Variants in RAPGEF1 observed in about 807,000 individuals in gnomAD.
The protein encoded by RAPGEF1 is CRK SH3-binding GNRP.
In RAPGEF1, 33 loss-of-function variants were observed where a neutral mutation model predicts 143.3. The ratio of observed to expected loss-of-function variants is 0.23; its 90% CI spans 0.17 to 0.31. The LOEUF (loss-of-function observed/expected upper bound fraction) is 0.31. Among genes scored for constraint, RAPGEF1 ranks in the 10% least tolerant of loss-of-function variants. The pLI, the probability that RAPGEF1 is intolerant of heterozygous loss-of-function variation, is 1.00. For synonymous variants in RAPGEF1, 629 were observed against 676.5 expected (o/e 0.93, Z 1.09); for missense variants, 1,199 against 1,645.4 (o/e 0.73, Z 4.69).
At chr9:131,630,946 GT>G (rs60449367) in intron 5 of RAPGEF1, among the ~76,000 whole-genome samples, 9,267 of 147,558 alleles carry the variant, frequency 0.063, 656 homozygotes, top group African/African-American at 0.16. Flanking sequence ...GTGCCCATGT[GT>G]TTTTTTTTTT....
At position 131,621,761 on chromosome 9, in the gene RAPGEF1, C is replaced by T. The variant is rs1046007370; in HGVS notation, c.1905+35G>A. On this transcript the variant is annotated intron_variant, in intron 11 of 26. Transcript: ENST00000683357. This position sits in a 1 kb window ranked among gnomAD's most constrained non-coding sequence, Gnocchi z 4.5. ...CTGGTTCCTAGAGACCTGCTAGGATCGGAAGTTCTAGTCACAAGGGAAGGT... is the reference window on the plus strand; with the variant it reads ...CTGGTTCCTAGAGACCTGCTAGGATTGGAAGTTCTAGTCACAAGGGAAGGT... The T allele has an allele frequency of 1.1e-5, 17 of 1,561,624 alleles. No homozygotes were observed. The highest frequency in any genetic ancestry group is 7.0e-5 in the East Asian group (3 of 42,632).
chr9:131,674,549 T>A (rs538799466), intron 1 of RAPGEF1, among the ~76,000 whole-genome samples: 2 of 152,248 alleles, frequency 1.3e-5, no homozygotes, highest in Admixed American at 1.3e-4. Flanking sequence ...TCTCCACACT[T>A]GGCTCAGGAG....
intron 1 of RAPGEF1, among the ~76,000 whole-genome samples, chr9:131,685,394 C>G (rs570700628): frequency 1.3e-5 from 2 of 152,298 alleles, no homozygotes; most frequent in Admixed American, 1.3e-4. Flanking sequence ...TCATGATGGC[C>G]ATAATGCCCA....
rs369826529 is a variant in RAPGEF1, at chr9:131,598,280, C to A, written c.2532G>T (p.Ser844=). The A allele has an allele frequency of 1.2e-6, 2 of 1,613,874 alleles. No individual in the cohort carries two copies. The highest frequency in any genetic ancestry group is 1.3e-5 in the African/African-American group (1 of 74,944). ...CGTCCACTTCCTCCTCCGACTGAGC[C>A]GACTCCAGAGCATCTGGTGACTTTG... The part of the protein sequence containing the change: ...RAPKSPDALE[S]AQSEEEVDEL... The change falls in exon 16 of 27, where the codon TCG becomes TCT. Residue 844 remains serine (S), a synonymous_variant. Transcript: ENST00000683357.
intron 1 of RAPGEF1, among the ~76,000 whole-genome samples, chr9:131,694,879 T>C (rs1589031188): frequency 6.6e-6 from 1 of 151,292 alleles, no homozygotes; most frequent in African/African-American, 2.4e-5. Context: ...ACATGTGCCA[T>C]GTTGGTGTGC....
In RAPGEF1 at chr9:131,655,649, G is replaced by A. The variant is rs952853159; in HGVS notation, c.62-4700C>T. Among the ~76,000 whole-genome samples the A allele has an allele frequency of 6.6e-6, 1 of 152,080 alleles. No homozygotes were observed. The highest frequency in any genetic ancestry group is 2.4e-5 in the African/African-American group (1 of 41,416). ...TACATGCCTATAGTCCCAGCTACTC[G>A]GGAGGCTGAGGCAGGAGAATGGCGT... is the stretch of plus-strand genomic sequence containing the variant. On this transcript the variant is annotated intron_variant, in intron 1 of 26. Coordinates refer to ENST00000683357, the MANE Select transcript of RAPGEF1 (RefSeq NM_001377935.1). The surrounding 1 kb of genome is among the most constrained non-coding windows in gnomAD (Gnocchi z 4.1).
intron 12 of RAPGEF1, among the ~76,000 whole-genome samples, chr9:131,607,015 G>A (rs1476416356): frequency 6.6e-6 from 1 of 152,164 alleles, no homozygotes; most frequent in African/African-American, 2.4e-5. Flanking sequence ...CCACCTGTGT[G>A]TACAGCCGTG....
intron 1 of RAPGEF1, among the ~76,000 whole-genome samples, chr9:131,669,796 C>G (rs6597519): frequency 0.86 from 131,672 of 152,266 alleles, 57,133 homozygotes; most frequent in African/African-American, 0.93. Context: ...CAGAAGTCCT[C>G]CTGGTTTAAG....
At chr9:131,624,853 G>A (rs1226867548) in intron 10 of RAPGEF1, among the ~76,000 whole-genome samples, 1 of 152,230 alleles carries the variant, frequency 6.6e-6, no homozygotes, top group Non-Finnish European at 1.5e-5. Context: ...CTAGCTGGGG[G>A]ACCACACTGC....
At position 131,584,701 on chromosome 9, in the gene RAPGEF1, C is replaced by A. The variant is rs986421681; in HGVS notation, c.3234-105G>T. On this transcript the variant is annotated intron_variant, in intron 22 of 26. Coordinates refer to ENST00000683357, the MANE Select transcript of RAPGEF1 (RefSeq NM_001377935.1). The surrounding 1 kb of genome is among the most constrained non-coding windows in gnomAD (Gnocchi z 6.8). ...TGTACGACCCCCATGCCAGTGGCCA[C>A]GAGCCCACCCCTACTGAATACCTGC... 6 of 1,062,548 alleles carry A rather than the reference C, an allele frequency of 5.6e-6. No homozygotes were observed. Among genetic ancestry groups the A allele is most frequent in the Non-Finnish European group, 8.6e-6 (6 of 697,042 alleles). The allele number at this position is 1,062,548 out of a possible 1,614,324, so 65.8% of individuals were successfully genotyped here.
Position 131,583,717 on chromosome 9 carries a change from C to T in RAPGEF1, c.3414+594G>A, listed in dbSNP as rs1019899108. Reference sequence around the variant, plus strand: ...GCTCTCATGACCTAGAACTGGTCCCCTTCTCCCGGGATGTGGTCCCCTGGC... The same window carrying T: ...GCTCTCATGACCTAGAACTGGTCCCTTTCTCCCGGGATGTGGTCCCCTGGC... On this transcript the variant is annotated intron_variant, in intron 24 of 26. Transcript: ENST00000683357. The surrounding 1 kb of genome is among the most constrained non-coding windows in gnomAD (Gnocchi z 4.7). 1.3e-5 allele frequency among the ~76,000 whole-genome samples: 2 copies of T among 152,230 alleles called. No homozygotes were observed. Among genetic ancestry groups the T allele is most frequent in the Non-Finnish European group, 2.9e-5 (2 of 68,040 alleles).
In RAPGEF1 at chr9:131,643,374, G is replaced by A; in HGVS notation, c.359C>T (p.Ala120Val). 1 of 1,613,792 alleles carries A rather than the reference G, an allele frequency of 6.2e-7. No homozygotes were observed. Among genetic ancestry groups the A allele is most frequent in the African/African-American group, 1.3e-5 (1 of 75,020 alleles). ...LEEKEKEVVS[A>V]LRYFKTIVDK... ...CACAATGGTCTTAAAGTAGCGCAGG[G>A]CACTGACAACTTCCTTCTCTTTCTC... The change falls in exon 4 of 27, where the codon GCC (alanine) becomes GTC (valine). Residue 120 changes from alanine (A) to valine (V), a missense_variant. Around this residue, in one of 6 missense-constraint regions of RAPGEF1, gnomAD observed 613 missense variants for 710.9 expected, o/e 0.86. Transcript: ENST00000683357.
chr9:131,592,297 G>T (rs1249422350), intron 17 of RAPGEF1, 114 bp from the exon 18 acceptor site: 2 of 805,302 alleles, frequency 2.5e-6, no homozygotes, highest in Admixed American at 2.1e-5. Flanking sequence ...GGCACGGGGA[G>T]TGGGATGGGC....
At chr9:131,681,434 G>A (rs1832901890) in intron 1 of RAPGEF1, among the ~76,000 whole-genome samples, 1 of 152,158 alleles carries the variant, frequency 6.6e-6, no homozygotes, top group Admixed American at 6.5e-5. Flanking sequence ...AGCTACATTT[G>A]AGCCTTTTCA....
At chr9:131,700,483 G>A (rs1452396159) in intron 1 of RAPGEF1, among the ~76,000 whole-genome samples, 1 of 152,162 alleles carries the variant, frequency 6.6e-6, no homozygotes, top group African/African-American at 2.4e-5. Flanking sequence ...AAAAACTCCA[G>A]AGGGCAGAGA....
rs760298588 is a variant in RAPGEF1 at position 131,629,201 on chromosome 9, G to A, written c.794C>T (p.Thr265Ile). 1 of 1,614,006 alleles carries A rather than the reference G, an allele frequency of 6.2e-7. No individual in the cohort carries two copies. The highest frequency in any genetic ancestry group is 1.1e-5 in the South Asian group (1 of 91,090). Residue 265 changes from threonine (T) to isoleucine (I), a missense_variant, in exon 7 of 27, where the codon ACT becomes ATT. Thr to Ile is a moderately conservative substitution (Grantham distance 89). Transcript: ENST00000683357. ...DREVEILNKT[T>I]GMSQSTELLP... ...GAGCTCAGTTGACTGTGACATCCCA[G>A]TCGTCTTGTTTAGGATCTCTACCTC... is the stretch of plus-strand genomic sequence containing the variant.
intron 1 of RAPGEF1, among the ~76,000 whole-genome samples, chr9:131,708,826 G>A (rs768033499): frequency 2.2e-4 from 34 of 152,138 alleles, no homozygotes; most frequent in Non-Finnish European, 3.7e-4. Context: ...CACATTCTGG[G>A]TTTAAGCGAT....
intron 1 of RAPGEF1, chr9:131,725,568 C>T (rs1836600262): frequency 6.6e-6 from 1 of 152,296 alleles, no homozygotes. Flanking sequence ...AAGCAATCCT[C>T]CCACTTCAGC....
At chr9:131,601,994 T>G in intron 15 of RAPGEF1, 67 bp downstream of exon 15, 1 of 1,129,566 alleles carries the variant, frequency 8.9e-7, no homozygotes, top group East Asian at 2.7e-5. Context: ...GAGAGGCTGC[T>G]CAGGCAGGCC....
Sources: gnomAD v4.1 joint callset for allele counts (sites outside exome capture counted in the v4.1 genomes callset) on GRCh38, gnomAD v4.1.1 for gene constraint, gnomAD v4.1.1 regional missense constraint, Gnocchi (gnomAD v3.1) non-coding constraint, MANE v1.5 for transcripts, NCBI Gene and HGNC (gene_info 2026-07-23, HGNC 2026-07-21) for gene names.